Variants in SACS observed in about 807,000 individuals in gnomAD.
SACS encodes sacsin molecular chaperone, also known as sacsin.
SACS carries 197 observed loss-of-function variants against 348.0 expected under a neutral mutation model. The ratio of observed to expected loss-of-function variants is 0.57; its 90% confidence interval spans 0.50 to 0.64. The LOEUF (loss-of-function observed/expected upper bound fraction) is 0.64, where lower values mean the gene tolerates loss of function less well. Ranked by LOEUF, SACS falls within the 30% of genes least tolerant of loss-of-function variation. The pLI is 0.00. For missense variants in SACS, 4,999 were observed against 5,360.8 expected (o/e 0.93, Z 2.11); for synonymous variants, 1,985 against 1,910.6 (o/e 1.04, Z -1.02).
In SACS at chr13:23,411,513, AAAAC is replaced by A. The variant is rs1314349486; in HGVS notation, c.-278_-275del. 9 of 472,922 alleles carry A rather than the reference AAAAC, an allele frequency of 1.9e-5. No homozygotes were observed. Among genetic ancestry groups the A allele is most frequent in the Non-Finnish European group, 3.3e-5 (9 of 269,008 alleles). The allele number at this position is 472,922 out of a possible 1,614,324, so 29.3% of individuals were successfully genotyped here. ...AGCGACCCATGGAAGTTCTCAGGAT[AAAAC>A]AGTGTGGATTCGCTAAAGGTTTTTG... is the stretch of plus-strand genomic sequence containing the variant. On this transcript the variant is annotated 5_prime_UTR_variant, in exon 2 of 10. Transcript: ENST00000382292.
Position 23,337,334 on chromosome 13 carries a change from G to A in SACS, c.6542C>T (p.Ala2181Val), listed in dbSNP as rs142530357. The change falls in exon 10 of 10, where the codon GCA becomes GTA. Residue 2181 changes from alanine to valine, a missense_variant. Coordinates refer to ENST00000382292, the MANE Select transcript of SACS (RefSeq NM_014363.6). Reference sequence around the variant, plus strand: ...CAATAAGATACTACTTCTTAGGCATGCAGCAACATGATCACTTTTATTAAT... The same window carrying A: ...CAATAAGATACTACTTCTTAGGCATACAGCAACATGATCACTTTTATTAAT... ...AEINKSDHVAACLRSSILLSL... is the reference protein window; with the variant it reads ...AEINKSDHVAVCLRSSILLSL... 20 of 1,613,746 alleles carry A rather than the reference G, an allele frequency of 1.2e-5. No homozygotes were observed. Among genetic ancestry groups the A allele is most frequent in the Non-Finnish European group, 1.6e-5 (19 of 1,179,892 alleles).
chr13:23,336,674 G>C lies in SACS; in HGVS notation c.7202C>G (p.Ala2401Gly). ...VRQSCTVEDF[A>G]LVLESIDQER... The stretch of plus-strand genomic sequence containing the variant: ...TTGATCAATAGATTCCAAAACAAGA[G>C]CAAAATCTTCAACAGTGCATGACTG... The change falls in exon 10 of 10, where the codon GCT becomes GGT. Residue 2401 changes from alanine (A) to glycine (G), a missense_variant. Physicochemically the swap from Ala to Gly is moderately conservative, Grantham distance 60. This residue lies in a region of SACS where 3,156 missense variants were observed against 3,380.1 expected (regional missense o/e 0.93). Coordinates refer to ENST00000382292, the MANE Select transcript of SACS (RefSeq NM_014363.6). The C allele has an allele frequency of 6.2e-7, 1 of 1,613,788 alleles. No individual in the cohort carries two copies. Among genetic ancestry groups the C allele is most frequent in the Non-Finnish European group, 8.5e-7 (1 of 1,179,852 alleles).
rs35527942 is a variant in SACS at position 23,380,148 on chromosome 13, T to TGTGAGAGA, written c.21-4880_21-4879insTCTCTCAC. ...GTGTGTGTGTGTGTGTGTGTGTGTG[T>TGTGAGAGA]GAGAGAGAGAGAGAGAGAGAGAAAG... On this transcript the variant is annotated intron_variant, in intron 2 of 9. Coordinates refer to ENST00000382292, the MANE Select transcript of SACS (RefSeq NM_014363.6). Among the ~76,000 whole-genome samples the TGTGAGAGA allele has an allele frequency of 8.8e-5, 13 of 147,782 alleles. No homozygotes were observed. In the East Asian group the frequency reaches 1.4e-3, roughly 16 times the overall value.
chr13:23,407,553 A>G (rs1477591379), intron 2 of SACS, among the ~76,000 whole-genome samples: 1 of 152,200 alleles, frequency 6.6e-6, no homozygotes, highest in Non-Finnish European at 1.5e-5. Context: ...TCCAGCAAAT[A>G]TCCTCTATCA....
At position 23,339,467 on chromosome 13, in the gene SACS, T is replaced by C. The variant is rs1868990472; in HGVS notation, c.4409A>G (p.Glu1470Gly). Residue 1470 changes from glutamate (E) to glycine (G), a missense_variant, in exon 10 of 10, where the codon GAA becomes GGA. Coordinates refer to ENST00000382292, the MANE Select transcript of SACS (RefSeq NM_014363.6). ...AAAAATATCTGACACTGAAGGGTAT[T>C]CTTCCAGAATATTTTTAATTCTTAC... ...LTVRIKNILE[E>G]YPSVSDIFKE... 1 of 1,606,024 alleles carries C rather than the reference T, an allele frequency of 6.2e-7. No homozygotes were observed. Among genetic ancestry groups the C allele is most frequent in the African/African-American group, 1.3e-5 (1 of 74,500 alleles).
intron 2 of SACS, among the ~76,000 whole-genome samples, chr13:23,383,244 C>T (rs866473785): frequency 6.6e-6 from 1 of 152,070 alleles, no homozygotes; most frequent in African/African-American, 2.4e-5. Flanking sequence ...TGTTTGACCA[C>T]GATAAATATC....
At chr13:23,350,886 G>A (rs933070840) in intron 9 of SACS, among the ~76,000 whole-genome samples, 2 of 152,152 alleles carry the variant, frequency 1.3e-5, no homozygotes, top group African/African-American at 4.8e-5. Context: ...ATGCTCAGCA[G>A]GACTCAAAGG....
At chr13:23,414,044 C>G (rs1873606576) in intron 1 of SACS, among the ~76,000 whole-genome samples, 1 of 152,192 alleles carries the variant, frequency 6.6e-6, no homozygotes, top group Non-Finnish European at 1.5e-5. Flanking sequence ...GTGGCTCACG[C>G]CTGTAATCCC....
At chr13:23,398,853 G>A (rs993506336) in intron 2 of SACS, among the ~76,000 whole-genome samples, 8 of 151,338 alleles carry the variant, frequency 5.3e-5, no homozygotes, top group African/African-American at 1.9e-4. Flanking sequence ...GGCCAACATG[G>A]TGAAACCCCA....
At position 23,340,828 on chromosome 13, in the gene SACS, G is replaced by A; in HGVS notation, c.3048C>T (p.Val1016=). 1 of 1,602,624 alleles carries A rather than the reference G, an allele frequency of 6.2e-7. No individual in the cohort carries two copies. Among genetic ancestry groups the A allele is most frequent in the Non-Finnish European group, 8.5e-7 (1 of 1,173,964 alleles). ...HEEVTQLMLW[V]LENLSSLKNE... is the part of the protein sequence containing the mutation. ...TTTTAAGAGAAGATAGATTCTCAAG[G>A]ACCCATAACATAAGCTGTGTTACCT... Residue 1016 remains valine, a synonymous_variant, in exon 10 of 10, where the codon GTC becomes GTT. Coordinates refer to ENST00000382292, the MANE Select transcript of SACS (RefSeq NM_014363.6).
In SACS at chr13:23,332,490, AAG is replaced by A. The variant is rs1334060400; in HGVS notation, c.11384_11385del (p.Ala3795ValfsTer14). 6.2e-7 allele frequency: 1 copy of A among 1,613,916 alleles called. No homozygotes were observed. Among genetic ancestry groups the A allele is most frequent in the Non-Finnish European group, 8.5e-7 (1 of 1,179,886 alleles). The stretch of plus-strand genomic sequence containing the variant: ...TTCCAACCATCTTCTACCATCACAA[AAG>A]CAACCCCTCGCAACTGAAAACGAAA... ...REFRFQLRGV[A>X]FVMVEDGWKL... is the part of the protein sequence containing the mutation. On this transcript the variant is annotated frameshift_variant, in exon 10 of 10. Coordinates refer to ENST00000382292, the MANE Select transcript of SACS (RefSeq NM_014363.6). LOFTEE classifies it high-confidence loss of function.
intron 2 of SACS, among the ~76,000 whole-genome samples, chr13:23,403,254 T>C (rs1437739840): frequency 6.6e-6 from 1 of 152,162 alleles, no homozygotes; most frequent in Admixed American, 6.5e-5. Context: ...CAGGTTTTGG[T>C]ATCAGGATGA....
chr13:23,337,136 G>C lies in SACS; in HGVS notation c.6740C>G (p.Thr2247Arg), dbSNP rs1190128123. 1 of 1,613,970 alleles carries C rather than the reference G, an allele frequency of 6.2e-7. No individual in the cohort carries two copies. ...ACAAACTATATCTTGATGTTCAGCT[G>C]TATAAAGGTCAGTTGCTGCAAACAT... The part of the protein sequence containing the change: ...ETMFAATDLY[T>R]AEHQDIVCLL... The change falls in exon 10 of 10, where the codon ACA becomes AGA. Residue 2247 changes from threonine to arginine, a missense_variant. Around this residue, in one of 6 missense-constraint regions of SACS, gnomAD observed 3,156 missense variants for 3,380.1 expected, o/e 0.93. Transcript: ENST00000382292.
chr13:23,387,417 G>C (rs1008420605), intron 2 of SACS, among the ~76,000 whole-genome samples: 2 of 146,148 alleles, frequency 1.4e-5, no homozygotes, highest in Non-Finnish European at 3.0e-5. Context: ...AGCAGAGATC[G>C]TGCCACTGCA....
intron 2 of SACS, among the ~76,000 whole-genome samples, chr13:23,408,885 T>C (rs910437015): frequency 7.3e-5 from 11 of 150,116 alleles, no homozygotes; most frequent in South Asian, 2.1e-4. Context: ...TGGCATGAAC[T>C]CGGGAGGCGC....
At chr13:23,395,426 C>T (rs1295379840) in intron 2 of SACS, among the ~76,000 whole-genome samples, 1 of 152,130 alleles carries the variant, frequency 6.6e-6, no homozygotes, top group Non-Finnish European at 1.5e-5. Context: ...AGACCTCCCC[C>T]TTCCTATCCC....
intron 8 of SACS, 87 bp downstream of exon 8, chr13:23,354,432 T>C (rs566683247): frequency 3.2e-5 from 38 of 1,176,404 alleles, no homozygotes; most frequent in African/African-American, 2.0e-4. Flanking sequence ...TAGAAAACCA[T>C]TGAATTTCAC....
At chr13:23,423,365 T>C (rs1028989048) in intron 1 of SACS, among the ~76,000 whole-genome samples, 1 of 152,138 alleles carries the variant, frequency 6.6e-6, no homozygotes, top group Admixed American at 6.5e-5. Flanking sequence ...TTTTAGAACC[T>C]AAGGAATGAC....
chr13:23,395,358 C>T (rs1872673698), intron 2 of SACS, among the ~76,000 whole-genome samples: 1 of 152,182 alleles, frequency 6.6e-6, no homozygotes. Flanking sequence ...TTCCTTATGG[C>T]ATAATTTTAC....
Sources: allele counts gnomAD v4.1 joint callset (sites outside exome capture counted in the v4.1 genomes callset), GRCh38; gene constraint gnomAD v4.1.1; regional missense constraint gnomAD v4.1.1; transcripts MANE v1.5; gene names NCBI Gene and HGNC (gene_info 2026-07-23, HGNC 2026-07-21).